The following GRM3 variants were observed in gnomAD, a reference collection of about 807,000 sequenced individuals.
GRM3 encodes metabotropic glutamate receptor 3.
In GRM3, 26 loss-of-function variants were observed where a neutral mutation model predicts 70.5. The observed-to-expected ratio is 0.37, with a 90% CI of 0.27 to 0.51. The LOEUF is 0.51. GRM3 is among the 20% of genes least tolerant of loss of function. The probability of loss-of-function intolerance (pLI) is 0.93; values close to 1 mark genes in which losing one functional copy is unlikely to be tolerated. For synonymous variants in GRM3, 443 were observed against 434.9 expected, an observed-to-expected ratio of 1.02 and a Z score of -0.23; for missense variants, 859 against 1,123.8, an observed-to-expected ratio of 0.76 and a Z score of 3.37.
intron 1 of GRM3, among the ~76,000 whole-genome samples, chr7:86,675,020 A>G (rs111770896): frequency 0.016 from 2,403 of 152,268 alleles, 64 homozygotes; most frequent in African/African-American, 0.055. Context: ...TTCTATTACA[A>G]TAACTTGCAC....
intron 5 of GRM3, among the ~76,000 whole-genome samples, chr7:86,853,205 T>A (rs746338005): frequency 6.6e-6 from 1 of 152,062 alleles, no homozygotes; most frequent in African/African-American, 2.4e-5. Context: ...ATCTTAAGAG[T>A]GCATTACATG....
intron 4 of GRM3, among the ~76,000 whole-genome samples, chr7:86,846,765 T>G (rs1798663534): frequency 6.6e-6 from 1 of 152,218 alleles, no homozygotes; most frequent in African/African-American, 2.4e-5. Context: ...TTGCTAGTGA[T>G]TCCCACAGAC....
chr7:86,787,308 G>A (rs1797278790), intron 3 of GRM3, among the ~76,000 whole-genome samples, 192 bp downstream of exon 3: 1 of 152,140 alleles, frequency 6.6e-6, no homozygotes, highest in African/African-American at 2.4e-5. Context: ...TGAACATCTC[G>A]GCTGGTACAC....
chr7:86,699,199 A>G (rs376937166), intron 1 of GRM3, among the ~76,000 whole-genome samples: 2 of 152,082 alleles, frequency 1.3e-5, no homozygotes, highest in East Asian at 1.9e-4. Context: ...AATCGGATCA[A>G]CTACCTTAAT....
Position 86,864,332 on chromosome 7 carries a change from G to C in GRM3, c.2617G>C (p.Asp873His). The change falls in exon 6 of 6, where the codon GAC (aspartate) becomes CAC (histidine). Residue 873 changes from aspartate (D) to histidine (H), a missense_variant. Coordinates refer to ENST00000361669, the MANE Select transcript of GRM3 (RefSeq NM_000840.3). The part of the protein sequence containing the change: ...PTVCNGREVL[D>H]STTSSL ...GGTGTGCAATGGGCGGGAAGTCCTC[G>C]ACTCCACCACCTCATCTCTGTGATT... is the stretch of plus-strand genomic sequence containing the variant. The C allele has an allele frequency of 6.2e-7, 1 of 1,611,430 alleles. No individual in the cohort carries two copies. The highest frequency in any genetic ancestry group is 8.5e-7 in the Non-Finnish European group (1 of 1,177,698).
intron 1 of GRM3, among the ~76,000 whole-genome samples, chr7:86,699,135 G>A (rs767073679): frequency 5.3e-5 from 8 of 152,008 alleles, no homozygotes; most frequent in Non-Finnish European, 8.8e-5. Context: ...GGAACCAGAC[G>A]TTTGAGCTTA....
chr7:86,734,506 T>TG (rs1315778811), intron 1 of GRM3, among the ~76,000 whole-genome samples: 3 of 152,228 alleles, frequency 2.0e-5, no homozygotes, highest in Non-Finnish European at 4.4e-5. Flanking sequence ...TCATAAGCCA[T>TG]TAATCTATTC....
At chr7:86,727,327 C>T (rs931459467) in intron 1 of GRM3, among the ~76,000 whole-genome samples, 11 of 152,104 alleles carry the variant, frequency 7.2e-5, no homozygotes, top group African/African-American at 2.2e-4. Context: ...CCTACCCCAG[C>T]CCCATTCATA....
chr7:86,731,740 A>G (rs1436190524), intron 1 of GRM3, among the ~76,000 whole-genome samples: 3 of 152,212 alleles, frequency 2.0e-5, no homozygotes, highest in Non-Finnish European at 4.4e-5. Context: ...TACCTGTGTC[A>G]TGTTCCAGGA....
chr7:86,837,403 G>A (rs1045559929), intron 3 of GRM3, among the ~76,000 whole-genome samples: 4 of 152,138 alleles, frequency 2.6e-5, no homozygotes, highest in East Asian at 1.9e-4. Context: ...AATGAAGCTC[G>A]CAGGGGAGGC....
intron 1 of GRM3, among the ~76,000 whole-genome samples, chr7:86,682,715 T>A (rs896876101): frequency 2.6e-5 from 4 of 152,164 alleles, no homozygotes; most frequent in African/African-American, 9.7e-5. Flanking sequence ...TTCAAGCATT[T>A]TTTTAATCCA....
At chr7:86,784,020 C>T (rs982843561) in intron 2 of GRM3, among the ~76,000 whole-genome samples, 1 of 152,124 alleles carries the variant, frequency 6.6e-6, no homozygotes, top group African/African-American at 2.4e-5. Context: ...GCAATAGTTG[C>T]TGTTTTATTC....
At chr7:86,684,949 G>T (rs984700862) in intron 1 of GRM3, among the ~76,000 whole-genome samples, 1 of 152,136 alleles carries the variant, frequency 6.6e-6, no homozygotes, top group Non-Finnish European at 1.5e-5. Context: ...GATTAATTGT[G>T]TAAAGTACTT....
intron 2 of GRM3, among the ~76,000 whole-genome samples, chr7:86,767,466 G>A (rs1161702005): frequency 6.8e-6 from 1 of 146,574 alleles, no homozygotes; most frequent in African/African-American, 2.5e-5. Context: ...TGGATAAAGA[G>A]AGATGAAAAA....
intron 1 of GRM3, 102 bp from the exon 2 acceptor site, chr7:86,764,904 T>C (rs1164106252): frequency 4.4e-6 from 3 of 681,946 alleles, no homozygotes; most frequent in Admixed American, 7.5e-5. Flanking sequence ...GTTTAGTAAA[T>C]GGTTTTCTGA....
chr7:86,847,930 C>T (rs1264351086), intron 4 of GRM3, among the ~76,000 whole-genome samples: 1 of 152,122 alleles, frequency 6.6e-6, no homozygotes, highest in African/African-American at 2.4e-5. Flanking sequence ...GGTGCACAAA[C>T]TATGATAAAA....
At chr7:86,815,602 C>T (rs1322550609) in intron 3 of GRM3, among the ~76,000 whole-genome samples, 2 of 151,834 alleles carry the variant, frequency 1.3e-5, no homozygotes, top group Admixed American at 6.6e-5. Flanking sequence ...ATTTTCAGTA[C>T]ACAAAGCACT....
chr7:86,660,012 A>C (rs921149567), intron 1 of GRM3, among the ~76,000 whole-genome samples: 1 of 152,058 alleles, frequency 6.6e-6, no homozygotes, highest in Non-Finnish European at 1.5e-5. Flanking sequence ...TCAGGAAAGA[A>C]AACTGTCCTA....
At chr7:86,779,398 T>C (rs1178177780) in intron 2 of GRM3, among the ~76,000 whole-genome samples, 1 of 152,120 alleles carries the variant, frequency 6.6e-6, no homozygotes, top group African/African-American at 2.4e-5. Context: ...AGCTTCCCCG[T>C]CGTGTGTGCA....
Sources: allele counts gnomAD v4.1 joint callset (sites outside exome capture counted in the v4.1 genomes callset), GRCh38; gene constraint gnomAD v4.1.1; transcripts MANE v1.5; gene names NCBI Gene and HGNC (gene_info 2026-07-23, HGNC 2026-07-21).